GALNT7: variants seen among roughly 807,000 people sequenced by gnomAD.
GALNT7 encodes polypeptide N-acetylgalactosaminyltransferase 7.
A neutral mutation model predicts 82.1 loss-of-function variants in GALNT7; 60 were observed. That is an observed-to-expected ratio of 0.73 (90% confidence interval 0.59 to 0.91). The LOEUF (loss-of-function observed/expected upper bound fraction) is 0.91. Ranked by LOEUF, GALNT7 falls within the 40% of genes least tolerant of loss-of-function variation. The probability of loss-of-function intolerance (pLI) is 0.00; values close to 1 mark genes in which losing one functional copy is unlikely to be tolerated. For synonymous variants in GALNT7, 243 were observed against 275.1 expected (o/e 0.88, Z 1.15); for missense variants, 660 against 804.2 (o/e 0.82, Z 2.17).
chr4:173,171,466 G>A (rs1731870677), intron 1 of GALNT7, among the ~76,000 whole-genome samples: 1 of 152,168 alleles, frequency 6.6e-6, no homozygotes, highest in South Asian at 2.1e-4. Context: ...TGTACCTGTG[G>A]CTCCATTCAC....
chr4:173,285,212 T>A (rs1736279790), intron 2 of GALNT7, among the ~76,000 whole-genome samples: 1 of 152,232 alleles, frequency 6.6e-6, no homozygotes, highest in South Asian at 2.1e-4. Flanking sequence ...ATTTTGCTGT[T>A]TTTACACACC....
Position 173,295,808 on chromosome 4 carries a change from G to A in GALNT7, c.930G>A (p.Trp310Ter). The A allele has an allele frequency of 6.2e-7, 1 of 1,609,466 alleles. No homozygotes were observed. The highest frequency in any genetic ancestry group is 8.5e-7 in the Non-Finnish European group (1 of 1,175,918). Residue 310 changes from tryptophan (W) to a stop codon, truncating the protein, a stop_gained, in exon 5 of 12, where the codon TGG becomes TGA. Coordinates refer to ENST00000265000, the MANE Select transcript of GALNT7 (RefSeq NM_017423.3). LOFTEE classifies it high-confidence loss of function. ...LDAHCEVAVNWYAPLVAPISK... is the reference protein window; with the variant it reads ...LDAHCEVAVN Reference sequence around the variant, plus strand: ...CCCACTGTGAGGTGGCAGTTAACTGGTATGCACCACTTGTAGCTCCCATAT... The same window carrying A: ...CCCACTGTGAGGTGGCAGTTAACTGATATGCACCACTTGTAGCTCCCATAT...
intron 1 of GALNT7, among the ~76,000 whole-genome samples, chr4:173,188,060 A>G (rs188777372): frequency 3.2e-4 from 48 of 152,358 alleles, no homozygotes; most frequent in Non-Finnish European, 5.9e-4. Context: ...TACTAATACA[A>G]CAGGTCAGCA....
At chr4:173,201,754 T>C (rs1336721317) in intron 1 of GALNT7, among the ~76,000 whole-genome samples, 1 of 152,210 alleles carries the variant, frequency 6.6e-6, no homozygotes, top group Admixed American at 6.5e-5. Context: ...GTTAATTAGC[T>C]TGAAGTGCCT....
At chr4:173,309,329 C>T (rs1737291743) in intron 8 of GALNT7, among the ~76,000 whole-genome samples, 1 of 152,164 alleles carries the variant, frequency 6.6e-6, no homozygotes, top group South Asian at 2.1e-4. Context: ...TAGTCGCCGT[C>T]TTCCAAGAGA....
chr4:173,179,445 A>C (rs1329202831), intron 1 of GALNT7, among the ~76,000 whole-genome samples: 2 of 152,228 alleles, frequency 1.3e-5, no homozygotes, highest in Non-Finnish European at 2.9e-5. Flanking sequence ...AAGCCTGGGC[A>C]ATATAGCAAG....
intron 1 of GALNT7, among the ~76,000 whole-genome samples, chr4:173,199,405 A>G (rs1732875000): frequency 6.6e-6 from 1 of 152,198 alleles, no homozygotes. Context: ...TTGTTAGTAT[A>G]TGCAAAGTTG....
intron 2 of GALNT7, among the ~76,000 whole-genome samples, chr4:173,251,286 A>C (rs1164177287): frequency 6.6e-6 from 1 of 152,256 alleles, no homozygotes; most frequent in Non-Finnish European, 1.5e-5. Flanking sequence ...ACGTTAAGAC[A>C]GATCTAACCA....
At chr4:173,210,350 T>G (rs1397427721) in intron 1 of GALNT7, among the ~76,000 whole-genome samples, 2 of 152,336 alleles carry the variant, frequency 1.3e-5, no homozygotes, top group Non-Finnish European at 2.9e-5. Context: ...ATTGACTCTT[T>G]CCTAAACATA....
intron 2 of GALNT7, among the ~76,000 whole-genome samples, chr4:173,274,841 G>A (rs995098355): frequency 3.3e-5 from 5 of 152,116 alleles, no homozygotes; most frequent in South Asian, 2.1e-4. Flanking sequence ...GGAGTCAGCC[G>A]GGGATGTTGA....
At chr4:173,177,574 A>C (rs1340642384) in intron 1 of GALNT7, among the ~76,000 whole-genome samples, 1 of 152,168 alleles carries the variant, frequency 6.6e-6, no homozygotes, top group Non-Finnish European at 1.5e-5. Flanking sequence ...GGGAGAGATG[A>C]AAGAAGGCAT....
At chr4:173,205,264 A>G (rs1447895894) in intron 1 of GALNT7, among the ~76,000 whole-genome samples, 1 of 151,734 alleles carries the variant, frequency 6.6e-6, no homozygotes. Flanking sequence ...ACGTACTGGG[A>G]TGGGCCTGGT....
At chr4:173,258,142 A>G (rs1490212100) in intron 2 of GALNT7, among the ~76,000 whole-genome samples, 1 of 152,242 alleles carries the variant, frequency 6.6e-6, no homozygotes, top group Non-Finnish European at 1.5e-5. Context: ...ATTCTTATTT[A>G]AATCAAATAC....
intron 1 of GALNT7, among the ~76,000 whole-genome samples, chr4:173,195,769 T>C (rs1321889050): frequency 6.6e-6 from 1 of 152,202 alleles, no homozygotes; most frequent in Non-Finnish European, 1.5e-5. Flanking sequence ...TTACACTTGG[T>C]TTACTCAGAT....
chr4:173,280,057 TC>T (rs1223787310), intron 2 of GALNT7, among the ~76,000 whole-genome samples: 5 of 152,150 alleles, frequency 3.3e-5, no homozygotes, highest in Non-Finnish European at 7.4e-5. Context: ...TAAAGAATCT[TC>T]CTGGTTATAT....
At chr4:173,169,574 C>T (rs1348017289) in intron 1 of GALNT7, 2 of 151,532 alleles carry the variant, frequency 1.3e-5, no homozygotes, top group Non-Finnish European at 1.5e-5. Flanking sequence ...ACGGAGAGCG[C>T]GCCTCCCCCT....
intron 1 of GALNT7, among the ~76,000 whole-genome samples, chr4:173,176,899 A>G (rs1320783104): frequency 6.6e-6 from 1 of 152,222 alleles, no homozygotes; most frequent in Non-Finnish European, 1.5e-5. Context: ...TGCAAGCTAG[A>G]TTTTAGTGAG....
intron 1 of GALNT7, among the ~76,000 whole-genome samples, chr4:173,179,252 A>T (rs1732172242): frequency 6.6e-6 from 1 of 152,172 alleles, no homozygotes; most frequent in African/African-American, 2.4e-5. Flanking sequence ...ACTTTTTTGG[A>T]GCGAGTTCAC....
At chr4:173,178,055 G>GCA (rs1732123730) in intron 1 of GALNT7, among the ~76,000 whole-genome samples, 2 of 125,896 alleles carry the variant, frequency 1.6e-5, no homozygotes, top group East Asian at 2.1e-4. Context: ...GTGTGTGTGC[G>GCA]CGCACGCGCG....
Sources: gnomAD v4.1 joint callset for allele counts (sites outside exome capture counted in the v4.1 genomes callset) on GRCh38, gnomAD v4.1.1 for gene constraint, MANE v1.5 for transcripts, NCBI Gene and HGNC (gene_info 2026-07-23, HGNC 2026-07-21) for gene names.